Variants in AGBL1 observed in about 807,000 individuals in gnomAD.
The protein encoded by AGBL1 is cytosolic carboxypeptidase 4.
AGBL1 carries 130 observed loss-of-function variants against 118.9 expected under a neutral mutation model. The observed-to-expected ratio is 1.09, with a 90% CI of 0.95 to 1.26. The LOEUF (loss-of-function observed/expected upper bound fraction) is 1.26. Ranked by LOEUF, AGBL1 falls within the 50% of genes most tolerant of loss-of-function variation. The pLI, the probability that AGBL1 is intolerant of heterozygous loss-of-function variation, is 0.00. For missense variants in AGBL1, 1,584 were observed against 1,298.1 expected, an observed-to-expected ratio of 1.22 and a Z score of -3.38; for synonymous variants, 555 against 478.9, an observed-to-expected ratio of 1.16 and a Z score of -2.08.
intron 6 of AGBL1, among the ~76,000 whole-genome samples, chr15:86,232,229 C>G (rs191056101): frequency 1.6e-4 from 25 of 152,324 alleles, no homozygotes; most frequent in African/African-American, 5.8e-4. Flanking sequence ...GGGATACTAC[C>G]TGTCCTCGTC....
At chr15:87,028,662 C>A (rs2081757870) in intron 24 of AGBL1, among the ~76,000 whole-genome samples, 1 of 151,872 alleles carries the variant, frequency 6.6e-6, no homozygotes, top group Non-Finnish European at 1.5e-5. Context: ...GGAGAAATAT[C>A]TCTTACATCT....
chr15:86,931,665 C>T (rs1233853557), intron 23 of AGBL1, among the ~76,000 whole-genome samples: 7 of 151,728 alleles, frequency 4.6e-5, no homozygotes, highest in East Asian at 1.9e-4. Context: ...TCATTTGATA[C>T]GTTTCTGAAA....
chr15:86,761,223 A>G (rs1209697575), intron 22 of AGBL1, among the ~76,000 whole-genome samples: 1 of 152,112 alleles, frequency 6.6e-6, no homozygotes, highest in Non-Finnish European at 1.5e-5. Flanking sequence ...CAGGAATACA[A>G]TAACAAGTTC....
intron 21 of AGBL1, among the ~76,000 whole-genome samples, chr15:86,648,775 A>C: frequency 6.6e-6 from 1 of 152,208 alleles, no homozygotes; most frequent in Non-Finnish European, 1.5e-5. Context: ...AGCCCAGTGA[A>C]GAGAATATTG....
At chr15:86,192,153 C>T (rs1280655694) in intron 5 of AGBL1, among the ~76,000 whole-genome samples, 4 of 151,292 alleles carry the variant, frequency 2.6e-5, no homozygotes, top group Admixed American at 2.0e-4. Flanking sequence ...CACGCATGCA[C>T]GTGCACACAC....
chr15:86,328,776 C>T (rs1024493506), intron 17 of AGBL1, among the ~76,000 whole-genome samples: 1 of 152,138 alleles, frequency 6.6e-6, no homozygotes, highest in Non-Finnish European at 1.5e-5. Flanking sequence ...CTCCCAAGCC[C>T]TAGAGCTAAC....
intron 1 of AGBL1, among the ~76,000 whole-genome samples, chr15:86,125,716 T>A (rs1408202277): frequency 6.6e-6 from 1 of 152,176 alleles, no homozygotes; most frequent in Non-Finnish European, 1.5e-5. Context: ...CATATTAGTG[T>A]CCCAGCCATG....
chr15:86,417,888 G>A (rs1381672604), intron 18 of AGBL1, among the ~76,000 whole-genome samples: 1 of 152,204 alleles, frequency 6.6e-6, no homozygotes, highest in Admixed American at 6.5e-5. Flanking sequence ...AAGCTCTTTT[G>A]ATGGCCTAAT....
At chr15:86,523,585 A>G (rs1185992721) in intron 19 of AGBL1, among the ~76,000 whole-genome samples, 3 of 152,180 alleles carry the variant, frequency 2.0e-5, no homozygotes, top group Non-Finnish European at 2.9e-5. Flanking sequence ...ATCATATTTC[A>G]TTCCATATCC....
intron 23 of AGBL1, among the ~76,000 whole-genome samples, chr15:86,921,328 C>T (rs2080479840): frequency 6.6e-6 from 1 of 152,120 alleles, no homozygotes; most frequent in Non-Finnish European, 1.5e-5. Context: ...CGTCAGAGTT[C>T]AGTCCTCAGT....
intron 21 of AGBL1, among the ~76,000 whole-genome samples, chr15:86,557,851 G>A (rs2083756918): frequency 1.3e-5 from 2 of 152,096 alleles, no homozygotes; most frequent in Non-Finnish European, 2.9e-5. Context: ...CAATTTCCAA[G>A]CCCTCAAATG....
chr15:86,369,938 C>T (rs2080947458), intron 17 of AGBL1, among the ~76,000 whole-genome samples: 1 of 152,100 alleles, frequency 6.6e-6, no homozygotes, highest in African/African-American at 2.4e-5. Flanking sequence ...GAATTTCACA[C>T]CCAACAACTG....
At position 86,542,062 on chromosome 15, in the gene AGBL1, C is replaced by T. The variant is rs145210000; in HGVS notation, c.2686-3940C>T. On this transcript the variant is annotated intron_variant, in intron 19 of 22. Coordinates refer to ENST00000614907, the MANE Select transcript of AGBL1 (RefSeq NM_001386094.1). ...GTTCTAAATTTAATGTGTTAGCTTG[C>T]GCAGCTGGAAGTGGATCTAACAGCT... 3.1e-3 allele frequency among the ~76,000 whole-genome samples: 470 copies of T among 152,236 alleles called. 4 individuals carry two copies. The highest frequency in any genetic ancestry group is 0.01 in the African/African-American group (422 of 41,530).
chr15:86,823,848 T>A (rs1194415251), intron 22 of AGBL1, among the ~76,000 whole-genome samples: 2 of 152,172 alleles, frequency 1.3e-5, no homozygotes, highest in African/African-American at 4.8e-5. Context: ...ATAGAATTAT[T>A]GTGGAAAAAT....
At chr15:86,896,511 C>T (rs2080129434) in intron 22 of AGBL1, among the ~76,000 whole-genome samples, 1 of 152,072 alleles carries the variant, frequency 6.6e-6, no homozygotes, top group East Asian at 1.9e-4. Context: ...GTGAACTCTA[C>T]ATCTGTGTAA....
intron 5 of AGBL1, among the ~76,000 whole-genome samples, chr15:86,199,681 G>A (rs146397694): frequency 5.4e-4 from 82 of 152,282 alleles, no homozygotes; most frequent in African/African-American, 1.6e-3. Context: ...TTCTAGCTAC[G>A]TGGCTTGAAT....
At chr15:86,605,046 C>T (rs538425136) in intron 21 of AGBL1, among the ~76,000 whole-genome samples, 9 of 152,168 alleles carry the variant, frequency 5.9e-5, no homozygotes, top group African/African-American at 1.4e-4. Flanking sequence ...CTGCCTGCCT[C>T]AGCCTCCCAA....
At chr15:86,119,371 T>C (rs998100784) in intron 1 of AGBL1, among the ~76,000 whole-genome samples, 2 of 152,110 alleles carry the variant, frequency 1.3e-5, no homozygotes, top group Non-Finnish European at 1.5e-5. Flanking sequence ...AGTTCACTTT[T>C]CCTTCTTGCT....
chr15:86,550,049 A>T (rs1264354166), intron 20 of AGBL1, among the ~76,000 whole-genome samples: 1 of 152,164 alleles, frequency 6.6e-6, no homozygotes, highest in Non-Finnish European at 1.5e-5. Context: ...CAAATTATTC[A>T]ATTCAAAGAA....
Sources: allele counts gnomAD v4.1 joint callset (sites outside exome capture counted in the v4.1 genomes callset), GRCh38; gene constraint gnomAD v4.1.1; transcripts MANE v1.5; gene names NCBI Gene and HGNC (gene_info 2026-07-23, HGNC 2026-07-21).